Variants in KCNQ1 observed in about 807,000 individuals in gnomAD.
KCNQ1 encodes the protein potassium voltage-gated channel subfamily KQT member 1.
Under a neutral mutation model 72.4 loss-of-function variants are expected in KCNQ1, and 49 were observed. That is an observed-to-expected ratio of 0.68 (90% confidence interval 0.54 to 0.86). KCNQ1 has a LOEUF of 0.86. KCNQ1 is among the 40% of genes least tolerant of loss of function. The pLI, the probability that KCNQ1 is intolerant of heterozygous loss-of-function variation, is 0.00. For missense variants in KCNQ1, 790 were observed against 945.1 expected (o/e 0.84, Z 2.15); for synonymous variants, 450 against 412.6 (o/e 1.09, Z -1.10).
chr11:2,597,695 G>C (rs928763025), intron 10 of KCNQ1, among the ~76,000 whole-genome samples: 5 of 152,200 alleles, frequency 3.3e-5, no homozygotes, highest in African/African-American at 1.2e-4. Flanking sequence ...AGGTTAAATA[G>C]AATTGAGTTG....
chr11:2,641,385 G>A, intron 10 of KCNQ1: 2 of 397,726 alleles, frequency 5.0e-6, no homozygotes, highest in Non-Finnish European at 4.4e-6. Flanking sequence ...TATAATTACT[G>A]ATGTTGGGCT....
chr11:2,660,984 A>G, intron 10 of KCNQ1: 1 of 398,640 alleles, frequency 2.5e-6, no homozygotes, highest in Non-Finnish European at 4.4e-6. Context: ...ACTATTATGT[A>G]ATGACTAAAA....
At chr11:2,693,796 T>C (rs1850628911) in intron 11 of KCNQ1, 1 of 398,694 alleles carries the variant, frequency 2.5e-6, no homozygotes, top group Non-Finnish European at 4.4e-6. Flanking sequence ...CAGAGGAGCA[T>C]GGCACAGGCT....
At chr11:2,510,561 G>A (rs1847182582) in intron 1 of KCNQ1, among the ~76,000 whole-genome samples, 1 of 151,996 alleles carries the variant, frequency 6.6e-6, no homozygotes, top group South Asian at 2.1e-4. Context: ...AGCTCAGATT[G>A]TGCCACTGCA....
Position 2,752,752 on chromosome 11 carries a change from C to T in KCNQ1, c.1515-16092C>T, listed in dbSNP as rs938589070. On this transcript the variant is annotated intron_variant, in intron 11 of 15. Transcript: ENST00000155840. The surrounding 1 kb of genome is among the most constrained non-coding windows in gnomAD (Gnocchi z 5.2). ...ACCATCAGGGCTGCGGGTTAGCTTT[C>T]GACATAGGGACTTTGGGAAGACACA... 7.2e-5 allele frequency among the ~76,000 whole-genome samples: 11 copies of T among 152,158 alleles called. No homozygotes were observed. The highest frequency in any genetic ancestry group is 1.9e-4 in the African/African-American group (8 of 41,436).
intron 10 of KCNQ1, chr11:2,630,052 G>A: frequency 2.5e-6 from 1 of 398,382 alleles, no homozygotes; most frequent in Non-Finnish European, 4.4e-6. Context: ...TTAGCTGTGG[G>A]CTATTCATAT....
Position 2,611,064 on chromosome 11 carries a change from T to A in KCNQ1, c.1393+22210T>A, listed in dbSNP as rs1337193808. 5.0e-6 allele frequency: 2 copies of A among 398,434 alleles called. No homozygotes were observed. Among genetic ancestry groups the A allele is most frequent in the Non-Finnish European group, 8.8e-6 (2 of 226,070 alleles). The allele number at this position is 398,434 out of a possible 1,614,324, so 24.7% of individuals were successfully genotyped here. Reference sequence around the variant, plus strand: ...AGTTTTATTTCATATACTTCAGGGCTGTGTTTTTAGCTGTTATAAATTTTT... The same window carrying A: ...AGTTTTATTTCATATACTTCAGGGCAGTGTTTTTAGCTGTTATAAATTTTT... On this transcript the variant is annotated intron_variant, in intron 10 of 15. Transcript: ENST00000155840. The surrounding 1 kb of genome is among the most constrained non-coding windows in gnomAD (Gnocchi z 5.3).
chr11:2,609,369 A>G lies in KCNQ1; in HGVS notation c.1393+20515A>G, dbSNP rs940107026. The G allele has an allele frequency of 7.5e-6, 3 of 398,296 alleles. No homozygotes were observed. In the Admixed American group the frequency reaches 1.3e-4, roughly 18 times the overall value. The allele number at this position is 398,296 out of a possible 1,614,324, so 24.7% of individuals were successfully genotyped here. A position where few individuals can be genotyped will look rare whatever the true frequency, so the allele number is the denominator to read the frequency against. The stretch of plus-strand genomic sequence containing the variant: ...TACTGAGTTCTACTTTTATTTCATT[A>G]TATTCAGAAAAAGATACCTTGTATT... On this transcript the variant is annotated intron_variant, in intron 10 of 15. Transcript: ENST00000155840.
intron 11 of KCNQ1, among the ~76,000 whole-genome samples, chr11:2,728,175 C>T (rs1422524544): frequency 6.6e-6 from 1 of 152,144 alleles, no homozygotes; most frequent in Non-Finnish European, 1.5e-5. Context: ...TCACACAGGC[C>T]TCACCTCTTT....
At chr11:2,662,468 G>A in intron 11 of KCNQ1, 2 of 466,590 alleles carry the variant, frequency 4.3e-6, no homozygotes, top group Middle Eastern at 5.5e-4. Flanking sequence ...CAGATGCCGG[G>A]TGCAGTCTGC....
At chr11:2,637,021 C>A (rs954784797) in intron 10 of KCNQ1, 7 of 152,036 alleles carry the variant, frequency 4.6e-5, no homozygotes, top group East Asian at 3.8e-4. Flanking sequence ...TCTGTGGGAT[C>A]GGTGGTGATA....
Position 2,653,545 on chromosome 11 carries a change from C to G in KCNQ1, c.1394-8416C>G, listed in dbSNP as rs183277216. The G allele has an allele frequency of 4.0e-5, 16 of 398,930 alleles. 1 individual carries two copies. In the East Asian group the frequency reaches 5.7e-4, roughly 14 times the overall value. 24.7% of individuals were successfully genotyped at this position (398,930 alleles called of 1,614,324 possible). On this transcript the variant is annotated intron_variant, in intron 10 of 15. Transcript: ENST00000155840. The surrounding 1 kb of genome is among the most constrained non-coding windows in gnomAD (Gnocchi z 5.3). ...TGCTCTCACTCTCCCCTCTTGCACTCCCCTTCTCCCTTCCCGTTCCCTCTT... is the reference window on the plus strand; with the variant it reads ...TGCTCTCACTCTCCCCTCTTGCACTGCCCTTCTCCCTTCCCGTTCCCTCTT...
chr11:2,841,978 G>T (rs774926019), intron 15 of KCNQ1, among the ~76,000 whole-genome samples: 8 of 152,204 alleles, frequency 5.3e-5, no homozygotes, highest in Non-Finnish European at 1.2e-4. Flanking sequence ...AGCTGACCAG[G>T]CCTCTGCCGC....
chr11:2,718,705 G>A (rs1851144864), intron 11 of KCNQ1, among the ~76,000 whole-genome samples: 2 of 152,162 alleles, frequency 1.3e-5, no homozygotes. Flanking sequence ...TCAGGGGAAG[G>A]GCAGTTGCAG....
chr11:2,519,574 C>G (rs1826511975), intron 1 of KCNQ1, among the ~76,000 whole-genome samples: 2 of 152,136 alleles, frequency 1.3e-5, no homozygotes, highest in African/African-American at 2.4e-5. Flanking sequence ...GAGCCAGGAT[C>G]ATACCACTGT....
intron 2 of KCNQ1, among the ~76,000 whole-genome samples, chr11:2,555,850 T>G (rs945029427): frequency 1.3e-5 from 2 of 152,184 alleles, no homozygotes; most frequent in Non-Finnish European, 1.5e-5. Flanking sequence ...ATAGACCTCT[T>G]GGAGAGACAG....
intron 11 of KCNQ1, among the ~76,000 whole-genome samples, chr11:2,707,683 C>T (rs1850932781): frequency 6.6e-6 from 1 of 152,252 alleles, no homozygotes; most frequent in African/African-American, 2.4e-5. Context: ...AGGGCTTCAT[C>T]CACACTACCA....
In KCNQ1 at chr11:2,651,855, T is replaced by C; in HGVS notation, c.1394-10106T>C. 2.5e-6 allele frequency: 1 copy of C among 398,642 alleles called. No individual in the cohort carries two copies. 24.7% of individuals were successfully genotyped at this position (398,642 alleles called of 1,614,324 possible). A position where few individuals can be genotyped will look rare whatever the true frequency, so the allele number is the denominator to read the frequency against. On this transcript the variant is annotated intron_variant, in intron 10 of 15. Coordinates refer to ENST00000155840, the MANE Select transcript of KCNQ1 (RefSeq NM_000218.3). The surrounding 1 kb of genome is among the most constrained non-coding windows in gnomAD (Gnocchi z 6.1). Reference sequence around the variant, plus strand: ...CATACCAGACAGATGCCACCACATCTTTTCTTGAAGTAGTGTTCAGGCTGA... The same window carrying C: ...CATACCAGACAGATGCCACCACATCCTTTCTTGAAGTAGTGTTCAGGCTGA...
chr11:2,449,042 G>C (rs2133565374), intron 1 of KCNQ1, among the ~76,000 whole-genome samples: 2 of 152,360 alleles, frequency 1.3e-5, no homozygotes, highest in South Asian at 4.1e-4. Flanking sequence ...GGTCCTTGCA[G>C]GTGGCCTGGG....
Sources: gnomAD v4.1 joint callset for allele counts (sites outside exome capture counted in the v4.1 genomes callset) on GRCh38, gnomAD v4.1.1 for gene constraint, Gnocchi (gnomAD v3.1) non-coding constraint, MANE v1.5 for transcripts, NCBI Gene and HGNC (gene_info 2026-07-23, HGNC 2026-07-21) for gene names.